The following TEX11 variants were observed in gnomAD, a reference collection of about 807,000 sequenced individuals.
TEX11 encodes testis expressed 11, also known as testis-expressed protein 11.
Under a neutral mutation model 84.4 loss-of-function variants are expected in TEX11, and 7 were observed. That is an observed-to-expected ratio of 0.08 (90% CI 0.05 to 0.16). TEX11 has a LOEUF of 0.16. Ranked by LOEUF, TEX11 falls within the 10% of genes least tolerant of loss-of-function variation. The probability of loss-of-function intolerance (pLI) is 1.00; values close to 1 mark genes in which losing one functional copy is unlikely to be tolerated. For missense variants in TEX11, 551 were observed against 660.5 expected (o/e 0.83, Z 1.82); for synonymous variants, 264 against 222.8 (o/e 1.18, Z -1.64).
In TEX11 at chrX:70,529,977, A is replaced by C; in HGVS notation, c.2543T>G (p.Ile848Ser). ...SRTKDYPEMEILWLMVKSWNT... is the reference protein window; with the variant it reads ...SRTKDYPEMESLWLMVKSWNT... Reference sequence around the variant, plus strand: ...CCAGGACTTGACCATCAGCCAGAGAATCTCCATTTCTGGGTAGTCTTTCTA... The same window carrying C: ...CCAGGACTTGACCATCAGCCAGAGACTCTCCATTTCTGGGTAGTCTTTCTA... The change falls in exon 29 of 30, where the codon ATT (isoleucine) becomes AGT (serine). Residue 848 changes from isoleucine (I) to serine (S), a missense_variant. Physicochemically the swap from Ile to Ser is moderately radical, Grantham distance 142. Coordinates refer to ENST00000374333, the MANE Select transcript of TEX11 (RefSeq NM_031276.3). The C allele has an allele frequency of 5.0e-6, 6 of 1,208,641 alleles. No homozygotes were observed. Among genetic ancestry groups the C allele is most frequent in the Non-Finnish European group, 6.7e-6 (6 of 894,356 alleles).
rs1181422597 is a variant in TEX11 at position 70,750,921 on chromosome X, TAAA to T, written c.693-6705_693-6703del. ...ATGTATCCTAAAACTTAAAGTATAA[TAAA>T]AAAAAAAAAATATATATATATATAT... On this transcript the variant is annotated intron_variant, in intron 9 of 29. Transcript: ENST00000374333. 4.0e-4 allele frequency among the ~76,000 whole-genome samples: 14 copies of T among 35,352 alleles called. 1 individual carries two copies. Among genetic ancestry groups the T allele is most frequent in the South Asian group, 2.3e-3 (1 of 434 alleles). The allele number at this position is 35,352 out of a possible 115,157, so 30.7% of individuals were successfully genotyped here. A position where few individuals can be genotyped will look rare whatever the true frequency, so the allele number is the denominator to read the frequency against.
intron 25 of TEX11, among the ~76,000 whole-genome samples, chrX:70,579,756 C>T (rs2088744811): frequency 2.7e-5 from 3 of 112,031 alleles, no homozygotes; most frequent in African/African-American, 9.7e-5. Flanking sequence ...TGCTCCGCAT[C>T]ATTGATCATC....
intron 9 of TEX11, among the ~76,000 whole-genome samples, chrX:70,796,411 T>C (rs1025236476): frequency 1.2e-4 from 13 of 111,711 alleles, no homozygotes; most frequent in Non-Finnish European, 2.4e-4. Flanking sequence ...GAGAAAGATA[T>C]AGTGGTAGAT....
At chrX:70,734,302 A>AT (rs2147737845) in intron 11 of TEX11, among the ~76,000 whole-genome samples, 1 of 106,923 alleles carries the variant, frequency 9.4e-6, no homozygotes, top group South Asian at 4.3e-4. Context: ...TTAAAGTATA[A>AT]TTTAAAAAAA....
intron 9 of TEX11, among the ~76,000 whole-genome samples, chrX:70,750,643 T>G (rs2090809487): frequency 1.0e-5 from 1 of 100,364 alleles, no homozygotes; most frequent in East Asian, 3.3e-4. Context: ...AAATTGGAAA[T>G]CATCATTCTC....
intron 8 of TEX11, among the ~76,000 whole-genome samples, chrX:70,814,961 T>C (rs1347257394): frequency 8.9e-6 from 1 of 112,285 alleles, no homozygotes; most frequent in African/African-American, 3.2e-5. Context: ...AAAAAATACA[T>C]ACATAGGAAC....
intron 8 of TEX11, among the ~76,000 whole-genome samples, chrX:70,810,791 A>T (rs1314066974): frequency 9.5e-6 from 1 of 105,206 alleles, no homozygotes; most frequent in Non-Finnish European, 2.0e-5. Flanking sequence ...TTAAAGTATT[A>T]AAAAAAAAAA....
chrX:70,569,611 C>CT (rs1181558100), intron 25 of TEX11, among the ~76,000 whole-genome samples: 2 of 112,038 alleles, frequency 1.8e-5, no homozygotes, highest in African/African-American at 6.5e-5. Flanking sequence ...TGTTTGTTAG[C>CT]TTTCCTTCTA....
At chrX:70,604,223 A>C (rs2089169018) in intron 24 of TEX11, among the ~76,000 whole-genome samples, 1 of 112,134 alleles carries the variant, frequency 8.9e-6, no homozygotes, top group Non-Finnish European at 1.9e-5. Context: ...CCAACCAAAA[A>C]GGAAAAACTT....
At chrX:70,700,108 TTTTGTTTG>T (rs66752871) in intron 13 of TEX11, among the ~76,000 whole-genome samples, 2 of 106,967 alleles carry the variant, frequency 1.9e-5, no homozygotes, top group African/African-American at 3.4e-5. Flanking sequence ...GTTACTAGTT[TTTTGTTTG>T]TTTGTTTGTT....
At chrX:70,517,583 CTTTT>C in the TEX11 span, among the ~76,000 whole-genome samples, 5 of 111,017 alleles carry the variant, frequency 4.5e-5, no homozygotes, top group Non-Finnish European at 1.9e-5. Flanking sequence ...CTAAAATTCT[CTTTT>C]TTTGTTGTGT....
intron 5 of TEX11, among the ~76,000 whole-genome samples, chrX:70,856,023 T>C (rs1249721048): frequency 9.0e-6 from 1 of 111,431 alleles, no homozygotes; most frequent in Non-Finnish European, 1.9e-5. Context: ...ATGACTAAGA[T>C]ACATAGAGGG....
intron 17 of TEX11, among the ~76,000 whole-genome samples, chrX:70,650,595 G>A (rs2089799186): frequency 1.8e-5 from 2 of 111,295 alleles, no homozygotes; most frequent in South Asian, 3.8e-4. Flanking sequence ...TATTATACAG[G>A]TATACTTTAC....
intron 13 of TEX11, among the ~76,000 whole-genome samples, chrX:70,700,054 A>G (rs770714548): frequency 9.0e-6 from 1 of 111,679 alleles, no homozygotes; most frequent in South Asian, 3.8e-4. Context: ...ATGTGTGAAC[A>G]GGCATACTTC....
At chrX:70,813,418 T>C (rs2091268760) in intron 8 of TEX11, among the ~76,000 whole-genome samples, 1 of 111,743 alleles carries the variant, frequency 8.9e-6, no homozygotes, top group African/African-American at 3.3e-5. Context: ...CTAAAAACTC[T>C]CAATAAATTA....
intron 13 of TEX11, among the ~76,000 whole-genome samples, chrX:70,716,596 G>A (rs1052298151): frequency 3.6e-5 from 4 of 112,620 alleles, no homozygotes; most frequent in Admixed American, 9.3e-5. Flanking sequence ...AACCATTCGC[G>A]GGATATAATC....
At chrX:70,882,874 T>C (rs1449337751) in intron 2 of TEX11, among the ~76,000 whole-genome samples, 2 of 112,503 alleles carry the variant, frequency 1.8e-5, no homozygotes, top group Non-Finnish European at 3.8e-5. Flanking sequence ...ATATTTTGAT[T>C]TGTGAATGTT....
At chrX:70,665,215 C>T (rs1174895692) in intron 16 of TEX11, among the ~76,000 whole-genome samples, 1 of 110,910 alleles carries the variant, frequency 9.0e-6, no homozygotes, top group East Asian at 2.8e-4. Flanking sequence ...TTAAAGAGTA[C>T]CCAATTGTGC....
intron 3 of TEX11, among the ~76,000 whole-genome samples, chrX:70,874,329 C>T (rs4844274): frequency 0.092 from 9,865 of 107,797 alleles, 634 homozygotes; most frequent in East Asian, 0.28. Flanking sequence ...TATTCTGGGG[C>T]TAATTATCAT....
Sources: gnomAD v4.1 joint callset for allele counts (sites outside exome capture counted in the v4.1 genomes callset) on GRCh38, gnomAD v4.1.1 for gene constraint, MANE v1.5 for transcripts, NCBI Gene and HGNC (gene_info 2026-07-23, HGNC 2026-07-21) for gene names.